TRIM16: variants seen among roughly 807,000 people sequenced by gnomAD.
TRIM16 encodes the protein tripartite motif-containing protein 16.
Under a neutral mutation model 50.4 loss-of-function variants are expected in TRIM16, and 33 were observed. The observed-to-expected ratio is 0.65, with a 90% CI of 0.50 to 0.88. TRIM16 has a LOEUF of 0.88. TRIM16 is among the 40% of genes least tolerant of loss of function. TRIM16 has a pLI of 0.00. For synonymous variants in TRIM16, 229 were observed against 270.7 expected (o/e 0.85, Z 1.51); for missense variants, 581 against 686.8 (o/e 0.85, Z 1.72).
intron 6 of TRIM16, among the ~76,000 whole-genome samples, chr17:15,653,718 A>G (rs1219633814): frequency 6.6e-6 from 1 of 152,188 alleles, no homozygotes; most frequent in African/African-American, 2.4e-5. Context: ...ATTTCAACAT[A>G]CACATTTGTA....
At chr17:15,637,995 A>G (rs1438438142) in intron 8 of TRIM16, among the ~76,000 whole-genome samples, 40 of 141,464 alleles carry the variant, frequency 2.8e-4, no homozygotes, top group African/African-American at 1.1e-3. Context: ...ACTCAGAGTT[A>G]AATGGATTAA....
At chr17:15,676,609 G>A (rs1016696276) in intron 6 of TRIM16, among the ~76,000 whole-genome samples, 1 of 150,760 alleles carries the variant, frequency 6.6e-6, no homozygotes, top group Non-Finnish European at 1.5e-5. Context: ...CTAATTTTTT[G>A]TATTTTTAGT....
chr17:15,651,059 C>G, intron 7 of TRIM16, 32 bp downstream of exon 7: 1 of 1,578,790 alleles, frequency 6.3e-7, no homozygotes, highest in Non-Finnish European at 8.6e-7. Context: ...ACCGCCCTCT[C>G]CCAAATGGAT....
chr17:15,672,790 TA>T (rs1988779615), intron 6 of TRIM16, among the ~76,000 whole-genome samples: 2 of 152,190 alleles, frequency 1.3e-5, no homozygotes, highest in African/African-American at 2.4e-5. Context: ...ACCATACTAC[TA>T]ACAGTACAGT....
At chr17:15,676,431 CTTTTTTTTTT>C in intron 6 of TRIM16, among the ~76,000 whole-genome samples, 1 of 125,716 alleles carries the variant, frequency 8.0e-6, no homozygotes, top group Non-Finnish European at 1.6e-5. Flanking sequence ...AGAATTTTTT[CTTTTTTTTTT>C]TTTTTTTTCT....
At chr17:15,660,775 G>A (rs1486813615) in intron 6 of TRIM16, among the ~76,000 whole-genome samples, 1 of 151,920 alleles carries the variant, frequency 6.6e-6, no homozygotes, top group Non-Finnish European at 1.5e-5. Flanking sequence ...GCAGGCGCCT[G>A]TAGTCCCAGC....
intron 6 of TRIM16, among the ~76,000 whole-genome samples, chr17:15,674,227 G>A (rs1326840902): frequency 5.9e-5 from 9 of 151,954 alleles, no homozygotes; most frequent in South Asian, 2.1e-4. Flanking sequence ...AAAATTAGCC[G>A]GGCATGGTGA....
intron 6 of TRIM16, among the ~76,000 whole-genome samples, chr17:15,666,433 C>T (rs1434174552): frequency 2.6e-5 from 4 of 152,120 alleles, no homozygotes; most frequent in African/African-American, 9.7e-5. Flanking sequence ...ACTTTACATG[C>T]AATAAAATTC....
intron 6 of TRIM16, among the ~76,000 whole-genome samples, chr17:15,664,289 C>T (rs1190100496): frequency 6.6e-6 from 1 of 152,156 alleles, no homozygotes; most frequent in Non-Finnish European, 1.5e-5. Context: ...GGAACCTAGG[C>T]TTGGGTTAAG....
At position 15,629,507 on chromosome 17, in the gene TRIM16, T is replaced by G. The variant is rs1480867466; in HGVS notation, c.1112-309A>C. The stretch of plus-strand genomic sequence containing the variant: ...CATTCATTCATTCATTCAACAAACA[T>G]GTATTGAATGCCTGGCATTATCCTA... On this transcript the variant is annotated intron_variant, in intron 11 of 11. Coordinates refer to ENST00000649191, the MANE Select transcript of TRIM16 (RefSeq NM_001348119.1). Among the ~76,000 whole-genome samples the G allele has an allele frequency of 2.0e-5, 3 of 152,272 alleles. No individual in the cohort carries two copies. The East Asian group carries it at 5.8e-4, about 29-fold the overall frequency.
chr17:15,632,522 C>G lies in TRIM16; in HGVS notation c.1002G>C (p.Glu334Asp). 1 of 1,612,538 alleles carries G rather than the reference C, an allele frequency of 6.2e-7. No homozygotes were observed. Among genetic ancestry groups the G allele is most frequent in the East Asian group, 2.2e-5 (1 of 44,876 alleles). The change falls in exon 10 of 12, where the codon GAG becomes GAC. Residue 334 changes from glutamate to aspartate, a missense_variant. Around this residue, in one of 3 missense-constraint regions of TRIM16, gnomAD observed 450 missense variants for 544.3 expected, o/e 0.83. Transcript: ENST00000649191. Reference protein sequence around the residue: ...LLENYKKKLQEFSKEEEYDIR... With the variant: ...LLENYKKKLQDFSKEEEYDIR... Reference sequence around the variant, plus strand: ...AATGCGTCTCACCTTCCTTGGAAAACTCCTGGAGCTTTTTCTTATAGTTCT... The same window carrying G: ...AATGCGTCTCACCTTCCTTGGAAAAGTCCTGGAGCTTTTTCTTATAGTTCT...
chr17:15,664,967 G>A (rs949734094), intron 6 of TRIM16, among the ~76,000 whole-genome samples: 1 of 151,148 alleles, frequency 6.6e-6, no homozygotes, highest in Non-Finnish European at 1.5e-5. Flanking sequence ...GGGAGGTGGA[G>A]GTTGCAGTGA....
chr17:15,664,819 G>A (rs1431753646), intron 6 of TRIM16, among the ~76,000 whole-genome samples: 1 of 152,120 alleles, frequency 6.6e-6, no homozygotes, highest in Admixed American at 6.5e-5. Context: ...TGGATCACTT[G>A]AGATCAGTTC....
chr17:15,642,667 T>G, intron 8 of TRIM16, 54 bp downstream of exon 8: 3 of 634,462 alleles, frequency 4.7e-6, no homozygotes, highest in Non-Finnish European at 8.3e-6. Flanking sequence ...AGGCTAGGCA[T>G]GCAGTACCAC....
At chr17:15,651,040 C>T (rs757111961) in intron 7 of TRIM16, 51 bp downstream of exon 7, 3 of 1,561,518 alleles carry the variant, frequency 1.9e-6, no homozygotes, top group South Asian at 2.5e-5. Context: ...GCTGGGCACA[C>T]CATCCCCCAC....
chr17:15,674,040 G>T (rs1250662563), intron 6 of TRIM16, among the ~76,000 whole-genome samples: 1 of 152,088 alleles, frequency 6.6e-6, no homozygotes, highest in Non-Finnish European at 1.5e-5. Flanking sequence ...TTCTAAGAAA[G>T]GGGAGATGGA....
chr17:15,661,001 A>G (rs915128137), intron 6 of TRIM16, among the ~76,000 whole-genome samples: 1 of 152,072 alleles, frequency 6.6e-6, no homozygotes, highest in Non-Finnish European at 1.5e-5. Flanking sequence ...GGAAGGAAAC[A>G]GGCATATTAA....
rs576004830 is a variant in TRIM16, at chr17:15,646,370, G to T, written c.520-3554C>A. On this transcript the variant is annotated intron_variant, in intron 7 of 11. Transcript: ENST00000649191. ...CAGCCACACACACATCTCAGGTCAG[G>T]GTGGGCCCTGCCCAGAAGCGGGACT... Among the ~76,000 whole-genome samples the T allele has an allele frequency of 2.4e-3, 337 of 141,320 alleles. 1 individual carries two copies. The highest frequency in any genetic ancestry group is 9.3e-3 in the African/African-American group (327 of 35,018). The allele number at this position is 141,320 out of a possible 152,430, so 92.7% of individuals were successfully genotyped here.
chr17:15,679,959 A>G (rs1989117196), intron 4 of TRIM16, among the ~76,000 whole-genome samples: 1 of 151,790 alleles, frequency 6.6e-6, no homozygotes, highest in Non-Finnish European at 1.5e-5. Context: ...AAAGAAAAAA[A>G]GAAATAAGCC....
Sources: gnomAD v4.1 joint callset for allele counts (sites outside exome capture counted in the v4.1 genomes callset) on GRCh38, gnomAD v4.1.1 for gene constraint, gnomAD v4.1.1 regional missense constraint, MANE v1.5 for transcripts, NCBI Gene and HGNC (gene_info 2026-07-23, HGNC 2026-07-21) for gene names.